Variants in DPP10 observed in about 807,000 individuals in gnomAD.
The protein encoded by DPP10 is inactive dipeptidyl peptidase 10.
Under a neutral mutation model 120.9 loss-of-function variants are expected in DPP10, and 33 were observed. The ratio of observed to expected loss-of-function variants is 0.27; its 90% CI spans 0.21 to 0.37. The LOEUF (loss-of-function observed/expected upper bound fraction) is 0.37, where lower values mean the gene tolerates loss of function less well. DPP10 is among the 10% of genes least tolerant of loss of function. The pLI is 1.00. For synonymous variants in DPP10, 337 were observed against 326.1 expected, an observed-to-expected ratio of 1.03 and a Z score of -0.36; for missense variants, 816 against 942.8, an observed-to-expected ratio of 0.87 and a Z score of 1.76.
chr2:115,537,866 A>G (rs889516625), intron 5 of DPP10, among the ~76,000 whole-genome samples: 30 of 151,914 alleles, frequency 2.0e-4, no homozygotes, highest in Non-Finnish European at 3.1e-4. Context: ...TGGGAGCTAT[A>G]CTTTCAAAGT....
intron 3 of DPP10, among the ~76,000 whole-genome samples, chr2:115,426,593 G>C (rs910860533): frequency 2.1e-5 from 3 of 139,936 alleles, no homozygotes; most frequent in Non-Finnish European, 4.6e-5. Context: ...CACCTCTGAC[G>C]CTGGAGATGA....
chr2:115,519,970 CAAAAAA>C (rs2148873786), intron 4 of DPP10, among the ~76,000 whole-genome samples: 1 of 152,224 alleles, frequency 6.6e-6, no homozygotes, highest in East Asian at 1.9e-4. Flanking sequence ...TGTCAGGTAT[CAAAAAA>C]CTAATAATGA....
At chr2:114,739,529 C>A in intron 1 of DPP10, among the ~76,000 whole-genome samples, 1 of 152,126 alleles carries the variant, frequency 6.6e-6, no homozygotes. Context: ...TGTAGTGGCA[C>A]GCACCTGTAA....
intron 1 of DPP10, among the ~76,000 whole-genome samples, chr2:114,883,601 A>T (rs1183712463): frequency 6.6e-6 from 1 of 152,200 alleles, no homozygotes; most frequent in Non-Finnish European, 1.5e-5. Context: ...CGACTTATTC[A>T]TTTGACTGAG....
intron 1 of DPP10, among the ~76,000 whole-genome samples, chr2:115,040,910 C>T (rs1573401505): frequency 1.3e-5 from 2 of 151,846 alleles, no homozygotes; most frequent in East Asian, 3.9e-4. Context: ...CTTGAGGTCA[C>T]AAGTTTGAGA....
chr2:114,763,803 T>C (rs1680481724), intron 1 of DPP10, among the ~76,000 whole-genome samples: 2 of 152,218 alleles, frequency 1.3e-5, no homozygotes, highest in Admixed American at 6.5e-5. Context: ...CATAGGCTGA[T>C]AGATTTTCAG....
chr2:115,688,584 A>G (rs1460398653), intron 5 of DPP10, among the ~76,000 whole-genome samples: 1 of 152,198 alleles, frequency 6.6e-6, no homozygotes, highest in African/African-American at 2.4e-5. Flanking sequence ...AATTTTCTTC[A>G]CTAGATTCAC....
At chr2:115,767,447 G>A (rs1680897555) in intron 12 of DPP10, among the ~76,000 whole-genome samples, 1 of 146,480 alleles carries the variant, frequency 6.8e-6, no homozygotes, top group South Asian at 2.2e-4. Flanking sequence ...AGAAAGAGCA[G>A]TATCTCTCTC....
chr2:115,785,839 G>GTT (rs35035219), intron 17 of DPP10, among the ~76,000 whole-genome samples: 97 of 143,766 alleles, frequency 6.7e-4, no homozygotes, highest in South Asian at 1.9e-3. Context: ...TCTGATGTGG[G>GTT]TTTTTTTTTT....
chr2:115,805,030 T>C (rs977134354), intron 19 of DPP10, among the ~76,000 whole-genome samples: 2 of 152,150 alleles, frequency 1.3e-5, no homozygotes, highest in African/African-American at 2.4e-5. Context: ...CCCCCAGAGG[T>C]GGAGCCTACA....
intron 1 of DPP10, among the ~76,000 whole-genome samples, chr2:115,032,316 C>T (rs1016106270): frequency 1.3e-5 from 2 of 151,710 alleles, no homozygotes; most frequent in African/African-American, 4.8e-5. Context: ...AAGTAAAAAA[C>T]CTGAAATTTT....
chr2:115,330,239 T>C (rs1264131189), intron 2 of DPP10, among the ~76,000 whole-genome samples: 2 of 152,334 alleles, frequency 1.3e-5, no homozygotes, highest in African/African-American at 4.8e-5. Context: ...ATGTCTTCTT[T>C]TGAGAAGTGT....
At chr2:115,696,889 T>A (rs1282946346) in intron 7 of DPP10, among the ~76,000 whole-genome samples, 1 of 152,202 alleles carries the variant, frequency 6.6e-6, no homozygotes, top group Non-Finnish European at 1.5e-5. Flanking sequence ...CATTAGTTAA[T>A]ACCTTTGGAT....
intron 1 of DPP10, among the ~76,000 whole-genome samples, chr2:114,700,032 A>G (rs921223234): frequency 6.6e-6 from 1 of 152,114 alleles, no homozygotes; most frequent in Non-Finnish European, 1.5e-5. Flanking sequence ...GCTCAAAAGT[A>G]TCACTAAGAG....
chr2:114,665,693 A>C (rs1248728865), intron 1 of DPP10, among the ~76,000 whole-genome samples: 2 of 152,162 alleles, frequency 1.3e-5, no homozygotes, highest in African/African-American at 4.8e-5. Context: ...ATTTTATAGA[A>C]ATATAAGCCC....
intron 1 of DPP10, among the ~76,000 whole-genome samples, chr2:115,111,993 G>A (rs910729091): frequency 2.0e-5 from 3 of 152,186 alleles, no homozygotes; most frequent in African/African-American, 7.2e-5. Flanking sequence ...ATTGAGGAAA[G>A]TTTCCCTATC....
intron 1 of DPP10, among the ~76,000 whole-genome samples, chr2:115,182,740 G>A (rs1258354780): frequency 6.6e-6 from 1 of 152,160 alleles, no homozygotes; most frequent in East Asian, 1.9e-4. Context: ...GGAAGGTAGG[G>A]AAGCTATTTC....
chr2:115,185,453 G>A (rs2054369393), intron 1 of DPP10, among the ~76,000 whole-genome samples: 1 of 152,070 alleles, frequency 6.6e-6, no homozygotes, highest in African/African-American at 2.4e-5. Context: ...AAGTATTACA[G>A]AAGAGTCAGA....
At chr2:114,473,815 A>G (rs778985878) in intron 1 of DPP10, among the ~76,000 whole-genome samples, 1 of 152,224 alleles carries the variant, frequency 6.6e-6, no homozygotes, top group Non-Finnish European at 1.5e-5. Flanking sequence ...AAACACTGAC[A>G]TTTAGTTATT....
Sources: gnomAD v4.1 joint callset for allele counts (sites outside exome capture counted in the v4.1 genomes callset) on GRCh38, gnomAD v4.1.1 for gene constraint, MANE v1.5 for transcripts, NCBI Gene and HGNC (gene_info 2026-07-23, HGNC 2026-07-21) for gene names.